COLGALT2: variants seen among roughly 807,000 people sequenced by gnomAD.
COLGALT2 encodes procollagen galactosyltransferase 2.
A neutral mutation model predicts 73.4 loss-of-function variants in COLGALT2; 49 were observed. That is an observed-to-expected ratio of 0.67 (90% confidence interval 0.53 to 0.85). The LOEUF is 0.85. Ranked by LOEUF, COLGALT2 falls within the 40% of genes least tolerant of loss-of-function variation. The pLI, the probability that COLGALT2 is intolerant of heterozygous loss-of-function variation, is 0.00. For synonymous variants in COLGALT2, 295 were observed against 307.6 expected, an observed-to-expected ratio of 0.96 and a Z score of 0.43; for missense variants, 722 against 790.2, an observed-to-expected ratio of 0.91 and a Z score of 1.03.
At chr1:183,964,927 G>T (rs1019108830) in intron 5 of COLGALT2, among the ~76,000 whole-genome samples, 31 of 152,184 alleles carry the variant, frequency 2.0e-4, no homozygotes, top group Admixed American at 2.0e-3. Context: ...TGCGATAATT[G>T]TCAGTGTTTT....
chr1:184,000,802 A>T (rs1671898309), intron 1 of COLGALT2, among the ~76,000 whole-genome samples: 1 of 150,462 alleles, frequency 6.6e-6, no homozygotes, highest in South Asian at 2.1e-4. Flanking sequence ...CAATTCTAAG[A>T]GGACAGTGTA....
chr1:183,977,839 A>AGAGAGAGAGAGAGAGAGAGAGAGAG (rs59696449), intron 2 of COLGALT2, among the ~76,000 whole-genome samples: 1 of 147,156 alleles, frequency 6.8e-6, no homozygotes, highest in African/African-American at 2.6e-5. Context: ...AGAGAGAAAG[A>AGAGAGAGAGAGAGAGAGAGAGAGAG]AGAGAAGAGA....
At chr1:183,977,994 T>TA (rs1257171205) in intron 2 of COLGALT2, among the ~76,000 whole-genome samples, 2 of 151,760 alleles carry the variant, frequency 1.3e-5, no homozygotes, top group Non-Finnish European at 2.9e-5. Context: ...GATTATGCAG[T>TA]AAAAAAAATG....
intron 1 of COLGALT2, among the ~76,000 whole-genome samples, chr1:184,029,335 C>T (rs772372810): frequency 7.9e-5 from 12 of 152,238 alleles, no homozygotes; most frequent in Admixed American, 3.9e-4. Context: ...CTAGGTCACT[C>T]GCTGGCAGCT....
intron 2 of COLGALT2, among the ~76,000 whole-genome samples, chr1:183,977,841 G>GAGAGAGAGAGAA (rs1558322952): frequency 7.3e-4 from 98 of 133,842 alleles, no homozygotes; most frequent in African/African-American, 2.8e-3. Flanking sequence ...AGAGAAAGAA[G>GAGAGAGAGAGAA]AGAAGAGAAG....
chr1:183,996,640 C>G (rs1398816613), intron 1 of COLGALT2, among the ~76,000 whole-genome samples: 1 of 152,208 alleles, frequency 6.6e-6, no homozygotes, highest in Non-Finnish European at 1.5e-5. Context: ...GACCTGTCAG[C>G]TGACACTGCT....
chr1:183,942,098 G>A (rs957569190), intron 10 of COLGALT2, among the ~76,000 whole-genome samples: 7 of 151,852 alleles, frequency 4.6e-5, no homozygotes, highest in South Asian at 2.1e-4. Flanking sequence ...ACAGGAGCCC[G>A]CCACCATGCC....
chr1:183,939,088 CG>C, intron 11 of COLGALT2, 51 bp from the exon 12 acceptor site: 2 of 1,432,708 alleles, frequency 1.4e-6, no homozygotes, highest in Admixed American at 1.8e-5. Context: ...AGGAGACTTA[CG>C]GAACAGGGAC....
chr1:183,973,781 A>G, intron 3 of COLGALT2, 31 bp from the exon 4 acceptor site: 2 of 1,607,626 alleles, frequency 1.2e-6, no homozygotes, highest in South Asian at 2.2e-5. Flanking sequence ...TGTTAGGTGA[A>G]AAGGTACTTT....
At chr1:184,005,396 T>C (rs796212130) in intron 1 of COLGALT2, among the ~76,000 whole-genome samples, 4 of 152,300 alleles carry the variant, frequency 2.6e-5, no homozygotes, top group African/African-American at 9.6e-5. Flanking sequence ...GCCATAGTAC[T>C]TCTTTGCTAG....
intron 5 of COLGALT2, among the ~76,000 whole-genome samples, chr1:183,966,613 T>C (rs1304979258): frequency 6.6e-6 from 1 of 152,174 alleles, no homozygotes; most frequent in Non-Finnish European, 1.5e-5. Context: ...TCACTACCAG[T>C]GGTGTTCAGG....
At chr1:183,986,624 CTTAA>C (rs1244880117) in intron 1 of COLGALT2, among the ~76,000 whole-genome samples, 1 of 152,108 alleles carries the variant, frequency 6.6e-6, no homozygotes, top group Non-Finnish European at 1.5e-5. Flanking sequence ...AATTAATAAA[CTTAA>C]TTAAACATAT....
At chr1:183,984,817 A>G (rs1490317493) in intron 1 of COLGALT2, among the ~76,000 whole-genome samples, 1 of 152,178 alleles carries the variant, frequency 6.6e-6, no homozygotes, top group East Asian at 1.9e-4. Flanking sequence ...TCTCAGATTC[A>G]AAATTGAATT....
chr1:184,037,471 G>A lies in COLGALT2; in HGVS notation c.-114C>T, dbSNP rs1184153126. ...GGGCTGCGAGGGGCGGCCGGGGGAT[G>A]CGGCTTGCCGCGGCCGGCCGGCTCA... On this transcript the variant is annotated 5_prime_UTR_variant, in exon 1 of 12. Transcript: ENST00000361927. The A allele has an allele frequency of 5.9e-6, 7 of 1,193,086 alleles. No individual in the cohort carries two copies. The highest frequency in any genetic ancestry group is 5.2e-6 in the Non-Finnish European group (5 of 964,674). 73.9% of individuals were successfully genotyped at this position (1,193,086 alleles called of 1,614,324 possible).
At chr1:184,026,567 C>A (rs1408388530) in intron 1 of COLGALT2, among the ~76,000 whole-genome samples, 2 of 152,126 alleles carry the variant, frequency 1.3e-5, no homozygotes, top group Non-Finnish European at 2.9e-5. Flanking sequence ...CAGAACAGAA[C>A]TGTGTGAATT....
At chr1:184,006,496 A>G (rs1427376361) in intron 1 of COLGALT2, among the ~76,000 whole-genome samples, 1 of 152,118 alleles carries the variant, frequency 6.6e-6, no homozygotes, top group African/African-American at 2.4e-5. Flanking sequence ...AGGCAGGAGA[A>G]TCGCTTGAAC....
At chr1:183,998,278 T>C (rs1386471447) in intron 1 of COLGALT2, among the ~76,000 whole-genome samples, 1 of 152,222 alleles carries the variant, frequency 6.6e-6, no homozygotes, top group Non-Finnish European at 1.5e-5. Context: ...GAATGTTTCA[T>C]ATATTTATGG....
intron 2 of COLGALT2, among the ~76,000 whole-genome samples, chr1:183,976,425 G>T (rs980406174): frequency 4.0e-5 from 6 of 150,358 alleles, no homozygotes; most frequent in African/African-American, 1.5e-4. Flanking sequence ...AAGACTAGAA[G>T]AACAGAAACT....
At chr1:183,979,102 C>T (rs954953801) in intron 1 of COLGALT2, among the ~76,000 whole-genome samples, 2 of 152,102 alleles carry the variant, frequency 1.3e-5, no homozygotes, top group Non-Finnish European at 2.9e-5. Context: ...TTTACCATCA[C>T]GTTTACAAAA....
Sources: gnomAD v4.1 joint callset for allele counts (sites outside exome capture counted in the v4.1 genomes callset) on GRCh38, gnomAD v4.1.1 for gene constraint, MANE v1.5 for transcripts, NCBI Gene and HGNC (gene_info 2026-07-23, HGNC 2026-07-21) for gene names.